Variants in ENTREP2 observed in about 807,000 individuals in gnomAD.
ENTREP2 encodes endosomal transmembrane epsin interactor 2.
the ENTREP2 span, among the ~76,000 whole-genome samples, chr15:29,290,774 C>T: frequency 6.6e-6 from 1 of 152,260 alleles, no homozygotes; most frequent in Admixed American, 6.5e-5. Flanking sequence ...TTCTCTAGGC[C>T]GTGAACTTCT....
the ENTREP2 span, among the ~76,000 whole-genome samples, chr15:29,356,294 ATATTT>A: frequency 2.1e-5 from 1 of 48,644 alleles, no homozygotes; most frequent in Non-Finnish European, 3.6e-5. Context: ...ATATATATAT[ATATTT>A]TTTTTTTTTT....
the ENTREP2 span, among the ~76,000 whole-genome samples, chr15:29,135,215 C>T: frequency 6.6e-6 from 1 of 152,072 alleles, no homozygotes; most frequent in Non-Finnish European, 1.5e-5. The surrounding 1 kb of genome is among the most constrained non-coding windows in gnomAD (Gnocchi z 7.4). Flanking sequence ...TCCCCGAGGC[C>T]TCCAGGACCT....
the ENTREP2 span, among the ~76,000 whole-genome samples, chr15:29,240,627 C>T: frequency 2.0e-5 from 3 of 152,270 alleles, no homozygotes; most frequent in South Asian, 6.2e-4. Flanking sequence ...TTGGACTTCC[C>T]AGCCTCCCAA....
the ENTREP2 span, among the ~76,000 whole-genome samples, chr15:29,255,509 C>T: frequency 2.6e-5 from 4 of 152,214 alleles, no homozygotes; most frequent in South Asian, 6.2e-4. Context: ...CCAGCAATCC[C>T]ATTACTAGGT....
the ENTREP2 span, among the ~76,000 whole-genome samples, chr15:29,573,004 T>C: frequency 1.3e-5 from 2 of 152,064 alleles, no homozygotes; most frequent in Admixed American, 1.3e-4. Context: ...TTAGTGGAGA[T>C]GTCGAGAATT....
the ENTREP2 span, among the ~76,000 whole-genome samples, chr15:29,665,373 G>A: frequency 1.3e-5 from 2 of 152,226 alleles, no homozygotes; most frequent in Non-Finnish European, 2.9e-5. Flanking sequence ...CTCTTCTGGT[G>A]TCTGTTAACT....
the ENTREP2 span, among the ~76,000 whole-genome samples, chr15:29,549,301 A>G: frequency 0.011 from 1,667 of 147,738 alleles, 34 homozygotes; most frequent in African/African-American, 0.04. Flanking sequence ...ACGGAGTCTC[A>G]CTCTGTAGCC....
At chr15:29,487,014 AT>A in the ENTREP2 span, among the ~76,000 whole-genome samples, 1 of 152,186 alleles carries the variant, frequency 6.6e-6, no homozygotes, top group Non-Finnish European at 1.5e-5. Flanking sequence ...TTTATTATAT[AT>A]TCTCAAAAAG....
the ENTREP2 span, among the ~76,000 whole-genome samples, chr15:29,591,322 T>A: frequency 1.3e-5 from 2 of 152,222 alleles, no homozygotes; most frequent in Admixed American, 6.5e-5. Context: ...AGGGGCAGTA[T>A]CAGAACACAC....
At chr15:29,202,794 A>G in the ENTREP2 span, among the ~76,000 whole-genome samples, 65,095 of 151,956 alleles carry the variant, frequency 0.43, 14,953 homozygotes, top group African/African-American at 0.59. Context: ...CTTCATCTAC[A>G]TCCCTGCAAA....
the ENTREP2 span, chr15:29,269,116 T>C: frequency 6.2e-7 from 1 of 1,613,970 alleles, no homozygotes; most frequent in Non-Finnish European, 8.5e-7. Context: ...GTCCCAGGCT[T>C]CAGTTTCCTT....
chr15:29,343,027 T>TGCGG, the ENTREP2 span, among the ~76,000 whole-genome samples: 2 of 130,886 alleles, frequency 1.5e-5, no homozygotes, highest in East Asian at 2.5e-4. Context: ...TAAAAAGGAA[T>TGCGG]GGGGGGGGTG....
chr15:29,524,913 C>T, the ENTREP2 span, among the ~76,000 whole-genome samples: 5 of 152,248 alleles, frequency 3.3e-5, no homozygotes, highest in South Asian at 1.0e-3. Context: ...GGCTCGAATG[C>T]CTGGGTTTAT....
At chr15:29,473,583 TGTG>T in the ENTREP2 span, among the ~76,000 whole-genome samples, 1 of 152,228 alleles carries the variant, frequency 6.6e-6, no homozygotes, top group African/African-American at 2.4e-5. Context: ...GAAGGCCACC[TGTG>T]GTCTTGGTTT....
the ENTREP2 span, among the ~76,000 whole-genome samples, chr15:29,132,734 G>A: frequency 7.2e-5 from 11 of 152,312 alleles, no homozygotes; most frequent in East Asian, 2.1e-3. Context: ...TCCGGGGGCC[G>A]CTGTGAGGTC....
chr15:29,597,338 G>A, the ENTREP2 span, among the ~76,000 whole-genome samples: 3 of 152,096 alleles, frequency 2.0e-5, no homozygotes, highest in African/African-American at 7.2e-5. Flanking sequence ...GGAGGCTGAG[G>A]CAGGTGGATC....
At chr15:29,474,079 T>C in the ENTREP2 span, among the ~76,000 whole-genome samples, 4 of 152,158 alleles carry the variant, frequency 2.6e-5, no homozygotes, top group African/African-American at 7.2e-5. Flanking sequence ...CCCTACCCTA[T>C]GACCTAGTTA....
the ENTREP2 span, among the ~76,000 whole-genome samples, chr15:29,435,923 A>C: frequency 1.3e-5 from 2 of 152,096 alleles, no homozygotes; most frequent in Non-Finnish European, 2.9e-5. Context: ...GAAACATGAC[A>C]GCAGAGCACA....
the ENTREP2 span, among the ~76,000 whole-genome samples, chr15:29,542,311 G>A: frequency 2.1e-4 from 32 of 152,110 alleles, no homozygotes; most frequent in African/African-American, 7.5e-4. Flanking sequence ...CAGCACACCC[G>A]GCTGCTTTAC....
Sources: allele counts gnomAD v4.1 joint callset (sites outside exome capture counted in the v4.1 genomes callset), GRCh38; gene constraint gnomAD v4.1.1; non-coding constraint Gnocchi (gnomAD v3.1); transcripts MANE v1.5; gene names NCBI Gene and HGNC (gene_info 2026-07-23, HGNC 2026-07-21).